Variants in RGS17 observed in about 807,000 individuals in gnomAD.
RGS17 encodes regulator of G-protein signaling 17.
RGS17 carries 12 observed loss-of-function variants against 25.5 expected under a neutral mutation model. The ratio of observed to expected loss-of-function variants is 0.47; its 90% confidence interval spans 0.30 to 0.76. The LOEUF (loss-of-function observed/expected upper bound fraction) is 0.76, where lower values mean the gene tolerates loss of function less well. RGS17 is among the 30% of genes least tolerant of loss of function. The pLI, the probability that RGS17 is intolerant of heterozygous loss-of-function variation, is 0.07. For missense variants in RGS17, 196 were observed against 242.2 expected (o/e 0.81, Z 1.27); for synonymous variants, 71 against 76.9 (o/e 0.92, Z 0.40).
intron 1 of RGS17, among the ~76,000 whole-genome samples, chr6:153,128,606 C>T (rs909103721): frequency 1.3e-5 from 2 of 152,182 alleles, no homozygotes; most frequent in Non-Finnish European, 2.9e-5. Context: ...TTCACTTTTA[C>T]TTGGCTGTTA....
chr6:153,120,154 C>G (rs1416820096), intron 1 of RGS17, among the ~76,000 whole-genome samples: 1 of 152,186 alleles, frequency 6.6e-6, no homozygotes, highest in African/African-American at 2.4e-5. Context: ...TCATTCTGGA[C>G]GCTATATGGC....
intron 1 of RGS17, among the ~76,000 whole-genome samples, chr6:153,047,965 C>T (rs185392186): frequency 6.6e-6 from 1 of 152,272 alleles, no homozygotes. Flanking sequence ...TCCTCGCTTT[C>T]AAATTTTGAA....
intron 1 of RGS17, among the ~76,000 whole-genome samples, chr6:153,128,683 G>A (rs1265528600): frequency 6.6e-6 from 1 of 152,110 alleles, no homozygotes; most frequent in Non-Finnish European, 1.5e-5. Flanking sequence ...CCTCGTGGTA[G>A]GAAATGTTAA....
chr6:153,029,432 C>T (rs1779337814), intron 2 of RGS17, among the ~76,000 whole-genome samples: 1 of 152,106 alleles, frequency 6.6e-6, no homozygotes, highest in South Asian at 2.1e-4. Context: ...TGGTCCTGCT[C>T]CAAGTAGTGC....
chr6:153,033,780 ATCT>A (rs536708565), intron 2 of RGS17, among the ~76,000 whole-genome samples: 65 of 152,254 alleles, frequency 4.3e-4, no homozygotes, highest in Middle Eastern at 6.8e-3. Context: ...AATCATCAGA[ATCT>A]TCTATACCTC....
intron 2 of RGS17, among the ~76,000 whole-genome samples, chr6:153,030,190 T>C (rs1264155545): frequency 1.3e-5 from 2 of 152,136 alleles, no homozygotes; most frequent in Non-Finnish European, 2.9e-5. Context: ...CCCCTCTCTA[T>C]GGGGGTGGAT....
intron 1 of RGS17, among the ~76,000 whole-genome samples, chr6:153,044,982 T>TA (rs1039672586): frequency 4.3e-4 from 66 of 152,344 alleles, no homozygotes; most frequent in African/African-American, 1.5e-3. Context: ...GCAATGTATG[T>TA]AAATCATACA....
chr6:153,114,507 G>A (rs528181492), intron 1 of RGS17, among the ~76,000 whole-genome samples: 4 of 152,270 alleles, frequency 2.6e-5, no homozygotes, highest in South Asian at 4.2e-4. Flanking sequence ...GAGATACAAA[G>A]AGGAGCTGAT....
intron 1 of RGS17, among the ~76,000 whole-genome samples, chr6:153,118,168 T>C (rs1777570483): frequency 6.6e-6 from 1 of 152,194 alleles, no homozygotes; most frequent in South Asian, 2.1e-4. Flanking sequence ...TCTCCTCTCT[T>C]GGATGTCCTC....
At chr6:153,088,144 CGTAA>C (rs778453679) in intron 1 of RGS17, among the ~76,000 whole-genome samples, 1 of 152,144 alleles carries the variant, frequency 6.6e-6, no homozygotes, top group Non-Finnish European at 1.5e-5. Flanking sequence ...CTAACATCCA[CGTAA>C]GTGAGTTTGG....
chr6:153,065,039 G>T (rs1254275410), intron 1 of RGS17, among the ~76,000 whole-genome samples: 1 of 152,060 alleles, frequency 6.6e-6, no homozygotes, highest in Non-Finnish European at 1.5e-5. Flanking sequence ...AAGACCCCTT[G>T]ATCTGTTGCC....
chr6:153,014,792 C>T (rs1275976840), intron 4 of RGS17, among the ~76,000 whole-genome samples: 3 of 141,838 alleles, frequency 2.1e-5, no homozygotes, highest in Admixed American at 1.4e-4. Flanking sequence ...AGTGAGACTC[C>T]GTCTCAAAAA....
intron 4 of RGS17, among the ~76,000 whole-genome samples, chr6:153,013,302 A>G (rs1343320295): frequency 6.6e-6 from 1 of 152,198 alleles, no homozygotes; most frequent in Non-Finnish European, 1.5e-5. Context: ...GAGGCCATGA[A>G]CCATGCCCAT....
chr6:153,014,501 A>G (rs1215212820), intron 4 of RGS17, among the ~76,000 whole-genome samples: 2 of 152,108 alleles, frequency 1.3e-5, no homozygotes, highest in East Asian at 3.9e-4. Context: ...GTATTATTTA[A>G]GAAATACATT....
At chr6:153,067,212 T>G (rs529981798) in intron 1 of RGS17, among the ~76,000 whole-genome samples, 1 of 151,926 alleles carries the variant, frequency 6.6e-6, no homozygotes, top group Non-Finnish European at 1.5e-5. Flanking sequence ...GTATACTGAA[T>G]GGGAAAAAAA....
chr6:153,035,353 A>G (rs1281895220), intron 2 of RGS17, among the ~76,000 whole-genome samples: 5 of 152,058 alleles, frequency 3.3e-5, no homozygotes, highest in African/African-American at 2.4e-5. Flanking sequence ...TTATAAAATC[A>G]ATTTCATTTT....
At position 153,026,499 on chromosome 6, in the gene RGS17, G is replaced by T. The variant is rs762558678; in HGVS notation, c.164C>A (p.Pro55His). Residue 55 changes from proline (P) to histidine (H), a missense_variant, in exon 3 of 5, where the codon CCC (proline) becomes CAC (histidine). Coordinates refer to ENST00000206262, the MANE Select transcript of RGS17 (RefSeq NM_012419.5). ...NEERGENAGR[P>H]THTTKMESIQ... ...ACTCTCCATTTTTGTAGTGTGTGTG[G>T]GTCTTCCCGCATTTTCCCCTCTTTC... The T allele has an allele frequency of 2.5e-6, 4 of 1,613,392 alleles. No homozygotes were observed. Among genetic ancestry groups the T allele is most frequent in the South Asian group, 1.1e-5 (1 of 91,012 alleles).
Position 153,005,711 on chromosome 6 carries a change from C to T in RGS17, c.*5863G>A, listed in dbSNP as rs7752197. ...CCATAGAAGGACATTCTACAAAATA[C>T]CAGTTTATTTCTCAAAACTGTCATC... On this transcript the variant is annotated 3_prime_UTR_variant, in exon 5 of 5. Coordinates refer to ENST00000206262, the MANE Select transcript of RGS17 (RefSeq NM_012419.5). The T allele has an allele frequency of 0.76, 115,821 of 152,138 alleles. 44,964 individuals carry two copies. Among genetic ancestry groups the T allele is most frequent in the African/African-American group, 0.93 (38,487 of 41,526 alleles). The allele number at this position is 152,138 out of a possible 1,614,324, so 9.4% of individuals were successfully genotyped here.
At chr6:153,079,272 T>G (rs1776934362) in intron 1 of RGS17, among the ~76,000 whole-genome samples, 1 of 152,098 alleles carries the variant, frequency 6.6e-6, no homozygotes, top group Non-Finnish European at 1.5e-5. Context: ...GAGATGAGGT[T>G]TCACCATGTT....
Sources: gnomAD v4.1 joint callset for allele counts (sites outside exome capture counted in the v4.1 genomes callset) on GRCh38, gnomAD v4.1.1 for gene constraint, MANE v1.5 for transcripts, NCBI Gene and HGNC (gene_info 2026-07-23, HGNC 2026-07-21) for gene names.